The following IMMP2L variants were observed in gnomAD, a reference collection of about 807,000 sequenced individuals.
The protein encoded by IMMP2L is inner mitochondrial membrane peptidase subunit 2.
IMMP2L carries 18 observed loss-of-function variants against 19.3 expected under a neutral mutation model. The ratio of observed to expected loss-of-function variants is 0.93; its 90% CI spans 0.64 to 1.38. The LOEUF (loss-of-function observed/expected upper bound fraction) is 1.38, where lower values mean the gene tolerates loss of function less well. Ranked by LOEUF, IMMP2L falls within the 40% of genes most tolerant of loss-of-function variation. The pLI, the probability that IMMP2L is intolerant of heterozygous loss-of-function variation, is 0.00. For synonymous variants in IMMP2L, 76 were observed against 73.0 expected (o/e 1.04, Z -0.21); for missense variants, 233 against 218.2 (o/e 1.07, Z -0.43).
chr7:110,945,382 A>G (rs1201583032), intron 4 of IMMP2L, among the ~76,000 whole-genome samples: 2 of 151,988 alleles, frequency 1.3e-5, no homozygotes, highest in Non-Finnish European at 2.9e-5. Flanking sequence ...GAAATAATGA[A>G]GGCCTGGTAA....
intron 3 of IMMP2L, among the ~76,000 whole-genome samples, chr7:111,278,099 G>A (rs930467864): frequency 6.6e-6 from 1 of 151,956 alleles, no homozygotes; most frequent in African/African-American, 2.4e-5. Flanking sequence ...GAGGGGTGAG[G>A]GCTAAAAAGC....
At chr7:111,462,000 A>G (rs1840178305) in intron 3 of IMMP2L, among the ~76,000 whole-genome samples, 1 of 151,962 alleles carries the variant, frequency 6.6e-6, no homozygotes. Flanking sequence ...GCACAAACAC[A>G]GAGATAAAAA....
chr7:110,990,417 T>C (rs1261121541), intron 3 of IMMP2L, among the ~76,000 whole-genome samples: 7 of 152,200 alleles, frequency 4.6e-5, no homozygotes, highest in Admixed American at 6.6e-5. Flanking sequence ...CCAACATTTA[T>C]CACCCCTGCT....
chr7:111,321,679 T>G (rs1377883098), intron 3 of IMMP2L, among the ~76,000 whole-genome samples: 2 of 151,970 alleles, frequency 1.3e-5, no homozygotes, highest in African/African-American at 2.4e-5. Context: ...AATCACCAAA[T>G]TCAGAAATCC....
intron 4 of IMMP2L, among the ~76,000 whole-genome samples, chr7:110,921,080 G>A (rs1814222824): frequency 6.6e-6 from 1 of 152,174 alleles, no homozygotes; most frequent in African/African-American, 2.4e-5. Flanking sequence ...TCTTAAATGA[G>A]AGATTCATGT....
chr7:110,814,407 G>C (rs149540089), intron 5 of IMMP2L, among the ~76,000 whole-genome samples: 56 of 149,596 alleles, frequency 3.7e-4, no homozygotes, highest in African/African-American at 1.3e-3. Flanking sequence ...AAATGTATAT[G>C]ACCTTGAGGA....
intron 3 of IMMP2L, among the ~76,000 whole-genome samples, chr7:111,432,946 C>T (rs367724319): frequency 1.4e-5 from 2 of 147,414 alleles, no homozygotes; most frequent in African/African-American, 5.1e-5. Context: ...ATCCCACTTC[C>T]AACAGCTACA....
chr7:111,292,907 T>G (rs1821261116), intron 3 of IMMP2L, among the ~76,000 whole-genome samples: 1 of 152,012 alleles, frequency 6.6e-6, no homozygotes, highest in Non-Finnish European at 1.5e-5. Flanking sequence ...TGAACTACTT[T>G]CACAGCACAA....
intron 3 of IMMP2L, among the ~76,000 whole-genome samples, chr7:111,200,109 T>G (rs965335513): frequency 6.6e-6 from 1 of 152,100 alleles, no homozygotes; most frequent in Non-Finnish European, 1.5e-5. Flanking sequence ...ATTGTACATA[T>G]GAAATGTGAG....
chr7:111,212,376 A>G (rs1043575536), intron 3 of IMMP2L, among the ~76,000 whole-genome samples: 1 of 152,186 alleles, frequency 6.6e-6, no homozygotes, highest in African/African-American at 2.4e-5. Context: ...TGGAAAGCAG[A>G]GGCAGGTGGA....
chr7:110,775,758 G>A (rs1562968195), intron 5 of IMMP2L, among the ~76,000 whole-genome samples: 1 of 151,858 alleles, frequency 6.6e-6, no homozygotes, highest in Non-Finnish European at 1.5e-5. Flanking sequence ...GTAGAGTAAA[G>A]TAAATGTAAA....
intron 2 of IMMP2L, among the ~76,000 whole-genome samples, chr7:111,500,160 C>A (rs1844041932): frequency 6.6e-6 from 1 of 152,166 alleles, no homozygotes; most frequent in Non-Finnish European, 1.5e-5. Context: ...GAGATTATAT[C>A]CCGCACCTGG....
chr7:111,340,638 C>T (rs1826916797), intron 3 of IMMP2L, among the ~76,000 whole-genome samples: 1 of 151,944 alleles, frequency 6.6e-6, no homozygotes, highest in Non-Finnish European at 1.5e-5. Flanking sequence ...CACAAATGTA[C>T]AGGAAAGTTC....
chr7:111,184,605 C>A (rs1808064505), intron 3 of IMMP2L, among the ~76,000 whole-genome samples: 1 of 152,092 alleles, frequency 6.6e-6, no homozygotes, highest in Admixed American at 6.6e-5. Context: ...CAGTTCTTCC[C>A]ACCCCACCTC....
chr7:111,250,283 T>A (rs1034863867), intron 3 of IMMP2L, among the ~76,000 whole-genome samples: 1 of 152,168 alleles, frequency 6.6e-6, no homozygotes, highest in African/African-American at 2.4e-5. Flanking sequence ...AAACATTCCA[T>A]GCTCATGGAT....
intron 3 of IMMP2L, among the ~76,000 whole-genome samples, chr7:111,278,189 T>C (rs1328244183): frequency 6.6e-6 from 1 of 152,174 alleles, no homozygotes; most frequent in African/African-American, 2.4e-5. Context: ...AACACATACA[T>C]GTAAAAAACT....
At chr7:111,249,531 T>A (rs1238657274) in intron 3 of IMMP2L, among the ~76,000 whole-genome samples, 2 of 152,074 alleles carry the variant, frequency 1.3e-5, no homozygotes, top group Admixed American at 6.5e-5. Context: ...TATTCGGCCA[T>A]CTTGGCTCCT....
chr7:111,142,737 A>G (rs1358551545), intron 3 of IMMP2L, among the ~76,000 whole-genome samples: 2 of 152,162 alleles, frequency 1.3e-5, no homozygotes, highest in African/African-American at 4.8e-5. Context: ...TTAGCTTGCA[A>G]TTTAAATACA....
chr7:111,495,111 ATTC>A (rs1843470832), intron 2 of IMMP2L, among the ~76,000 whole-genome samples: 1 of 152,150 alleles, frequency 6.6e-6, no homozygotes, highest in African/African-American at 2.4e-5. Flanking sequence ...TATGTTTTAC[ATTC>A]TTATTTTTAA....
Sources: gnomAD v4.1 joint callset for allele counts (sites outside exome capture counted in the v4.1 genomes callset) on GRCh38, gnomAD v4.1.1 for gene constraint, MANE v1.5 for transcripts, NCBI Gene and HGNC (gene_info 2026-07-23, HGNC 2026-07-21) for gene names.